METTL8: variants seen among roughly 807,000 people sequenced by gnomAD.
METTL8 encodes the protein methyltransferase 8, tRNA N3-cytidine.
A neutral mutation model predicts 48.7 loss-of-function variants in METTL8; 32 were observed. The observed-to-expected ratio is 0.66, with a 90% CI of 0.50 to 0.88. The LOEUF (loss-of-function observed/expected upper bound fraction) is 0.88, where lower values mean the gene tolerates loss of function less well. Ranked by LOEUF, METTL8 falls within the 40% of genes least tolerant of loss-of-function variation. The pLI, the probability that METTL8 is intolerant of heterozygous loss-of-function variation, is 0.00. For missense variants in METTL8, 464 were observed against 474.4 expected (o/e 0.98, Z 0.20); for synonymous variants, 136 against 157.1 (o/e 0.87, Z 1.01).
rs199887367 is a variant in METTL8 at position 171,321,959 on chromosome 2, T to TA, written c.*2212dup. On this transcript the variant is annotated 3_prime_UTR_variant, in exon 10 of 10. Coordinates refer to ENST00000375258, the MANE Select transcript of METTL8 (RefSeq NM_001321154.2). ...GTCCTTTTTGAAGCAAGGGAGTAAA[T>TA]AAATTTTTTTTTTTTTTTTTGATAC... The TA allele has an allele frequency of 6.7e-6, 1 of 149,116 alleles. No individual in the cohort carries two copies. The highest frequency in any genetic ancestry group is 2.4e-5 in the African/African-American group (1 of 41,030). 9.2% of individuals were successfully genotyped at this position (149,116 alleles called of 1,614,324 possible). A position where few individuals can be genotyped will look rare whatever the true frequency, so the allele number is the denominator to read the frequency against.
At chr2:171,434,578 A>T (rs762608997), upstream of METTL8, 2 of 1,527,114 alleles carry the variant, frequency 1.3e-6, no homozygotes, top group East Asian at 2.5e-5. Flanking sequence ...CCGCGCCTCC[A>T]TGGGCCCGAC....
chr2:171,355,397 G>A (rs1313032819), intron 3 of METTL8, among the ~76,000 whole-genome samples: 1 of 152,162 alleles, frequency 6.6e-6, no homozygotes, highest in African/African-American at 2.4e-5. Context: ...GTGCCTCCCA[G>A]TTAGGCTACT....
rs540214644 is a variant in METTL8 at position 171,325,688 on chromosome 2, A to G, written c.1033+153T>C. Among the ~76,000 whole-genome samples the G allele has an allele frequency of 2.0e-4, 31 of 152,316 alleles. 1 individual carries two copies. Among genetic ancestry groups the G allele is most frequent in the Non-Finnish European group, 4.0e-4 (27 of 68,018 alleles). ...AGTAAACGGCCATTTTCAACCTTTT[A>G]TGTAGACCAGTAATAAGCATCAAAG... is the stretch of plus-strand genomic sequence containing the variant. On this transcript the variant is annotated intron_variant, in intron 9 of 9. Transcript: ENST00000375258.
In METTL8 at chr2:171,363,792, T is replaced by TTATATATATATA. The variant is rs200347847; in HGVS notation, c.144-3291_144-3280dup. 5.4e-3 allele frequency among the ~76,000 whole-genome samples: 524 copies of TTATATATATATA among 97,402 alleles called. 18 individuals are homozygous for TTATATATATATA. Among genetic ancestry groups the TTATATATATATA allele is most frequent in the East Asian group, 9.5e-3 (42 of 4,418 alleles). The allele number at this position is 97,402 out of a possible 152,430, so 63.9% of individuals were successfully genotyped here. On this transcript the variant is annotated intron_variant, in intron 2 of 9. Transcript: ENST00000375258. ...GGTTAAAAAAGTACATCCCCAAATT[T>TTATATATATATA]TATATATATATATATATATATATCT... is the stretch of plus-strand genomic sequence containing the variant.
At chr2:171,415,349 C>CTT (rs762739077) in intron 1 of METTL8, among the ~76,000 whole-genome samples, 4,330 of 112,224 alleles carry the variant, frequency 0.039, 451 homozygotes, top group African/African-American at 0.13. Flanking sequence ...ATCTCGAAAT[C>CTT]TTTTTTTTTT....
chr2:171,364,484 C>T (rs989307212), intron 2 of METTL8, among the ~76,000 whole-genome samples: 5 of 152,034 alleles, frequency 3.3e-5, no homozygotes, highest in African/African-American at 1.2e-4. Context: ...AAAAAAACCT[C>T]AAAAATAGAA....
At chr2:171,373,813 G>T (rs917909025) in intron 2 of METTL8, among the ~76,000 whole-genome samples, 10 of 151,806 alleles carry the variant, frequency 6.6e-5, no homozygotes, top group Admixed American at 5.2e-4. Flanking sequence ...TATTTCTGAG[G>T]GCTCTGTTCT....
At chr2:171,349,044 T>C (rs572000796) in intron 3 of METTL8, among the ~76,000 whole-genome samples, 55 of 152,322 alleles carry the variant, frequency 3.6e-4, no homozygotes, top group African/African-American at 1.3e-3. Flanking sequence ...TTTTAAAATG[T>C]ATAGTTCAGT....
intron 1 of METTL8, among the ~76,000 whole-genome samples, chr2:171,419,036 A>AT (rs1180820336): frequency 6.6e-6 from 1 of 151,232 alleles, no homozygotes; most frequent in Non-Finnish European, 1.5e-5. Context: ...AAAAAAAAAA[A>AT]TCCTCTTTCA....
At chr2:171,386,822 A>G in intron 2 of METTL8, among the ~76,000 whole-genome samples, 1 of 152,080 alleles carries the variant, frequency 6.6e-6, no homozygotes, top group Admixed American at 6.6e-5. Flanking sequence ...TCCTATGCCT[A>G]TAAACAATCC....
Position 171,321,163 on chromosome 2 carries a change from G to C in METTL8, c.*3009C>G, listed in dbSNP as rs1684505286. ...TCTCTCTGGAAATACTATTACTACT[G>C]CTACCACTGCTATATGATGTGTTGG... On this transcript the variant is annotated 3_prime_UTR_variant, in exon 10 of 10. Coordinates refer to ENST00000375258, the MANE Select transcript of METTL8 (RefSeq NM_001321154.2). 1.3e-5 allele frequency: 2 copies of C among 152,086 alleles called. No homozygotes were observed. 9.4% of individuals were successfully genotyped at this position (152,086 alleles called of 1,614,324 possible). A position where few individuals can be genotyped will look rare whatever the true frequency, so the allele number is the denominator to read the frequency against.
At chr2:171,395,363 T>C (rs982573225) in intron 1 of METTL8, among the ~76,000 whole-genome samples, 7 of 152,064 alleles carry the variant, frequency 4.6e-5, no homozygotes, top group Non-Finnish European at 8.8e-5. Flanking sequence ...CCCAACCATA[T>C]CAATACTTAC....
intron 3 of METTL8, among the ~76,000 whole-genome samples, chr2:171,348,351 T>C (rs1374196841): frequency 1.3e-5 from 2 of 152,190 alleles, no homozygotes; most frequent in Non-Finnish European, 2.9e-5. Flanking sequence ...TACTCAACAC[T>C]GTGACTATAG....
intron 1 of METTL8, among the ~76,000 whole-genome samples, chr2:171,409,339 C>T (rs945308942): frequency 2.0e-5 from 3 of 151,880 alleles, no homozygotes; most frequent in Admixed American, 1.3e-4. Flanking sequence ...CAACAAATTC[C>T]GGAAACATTT....
chr2:171,336,792 T>A (rs1686161779), intron 5 of METTL8, among the ~76,000 whole-genome samples: 1 of 151,792 alleles, frequency 6.6e-6, no homozygotes. Context: ...GACATCTAAG[T>A]ATCTAGGGAG....
intron 2 of METTL8, among the ~76,000 whole-genome samples, chr2:171,361,816 T>C (rs1685196834): frequency 6.6e-6 from 1 of 152,296 alleles, no homozygotes; most frequent in South Asian, 2.1e-4. Context: ...GTAATGTTTG[T>C]CCATCTTGGG....
chr2:171,381,671 G>A (rs1021231443), intron 2 of METTL8, among the ~76,000 whole-genome samples: 1 of 152,066 alleles, frequency 6.6e-6, no homozygotes, highest in Non-Finnish European at 1.5e-5. Flanking sequence ...CTGATCTTTA[G>A]TGAAATGCAA....
intron 5 of METTL8, among the ~76,000 whole-genome samples, chr2:171,336,421 A>G (rs1686115666): frequency 1.1e-5 from 1 of 90,006 alleles, no homozygotes. Flanking sequence ...TTTTTTTTTT[A>G]GACGGAGTCT....
rs1684461014 is a variant in METTL8, at chr2:171,320,244, G to A, written c.*3928C>T. The A allele has an allele frequency of 6.6e-6, 1 of 151,888 alleles. No homozygotes were observed. Among genetic ancestry groups the A allele is most frequent in the South Asian group, 2.1e-4 (1 of 4,794 alleles). 9.4% of individuals were successfully genotyped at this position (151,888 alleles called of 1,614,324 possible). ...ACTGACCAGGCAAGCAGAAGACACT[G>A]GTGGAAATGGCCCTGCTGCGCAGCC... On this transcript the variant is annotated 3_prime_UTR_variant, in exon 10 of 10. Transcript: ENST00000375258.
Sources: gnomAD v4.1 joint callset for allele counts (sites outside exome capture counted in the v4.1 genomes callset) on GRCh38, gnomAD v4.1.1 for gene constraint, MANE v1.5 for transcripts, NCBI Gene and HGNC (gene_info 2026-07-23, HGNC 2026-07-21) for gene names.